The following CLNK variants were observed in gnomAD, a reference collection of about 807,000 sequenced individuals.
CLNK encodes cytokine dependent hematopoietic cell linker, also known as cytokine-dependent hematopoietic cell linker.
A neutral mutation model predicts 68.6 loss-of-function variants in CLNK; 74 were observed. The observed-to-expected ratio is 1.08, with a 90% CI of 0.89 to 1.31. CLNK has a LOEUF of 1.31. Ranked by LOEUF, CLNK falls within the 50% of genes most tolerant of loss-of-function variation. The pLI, the probability that CLNK is intolerant of heterozygous loss-of-function variation, is 0.00. For missense variants in CLNK, 553 were observed against 515.3 expected (o/e 1.07, Z -0.71); for synonymous variants, 198 against 172.2 (o/e 1.15, Z -1.17).
At chr4:10,716,692 T>TTTTTTTTC in the CLNK span, among the ~76,000 whole-genome samples, 1 of 150,906 alleles carries the variant, frequency 6.6e-6, no homozygotes, top group Admixed American at 6.6e-5. Flanking sequence ...AAAACTTTTT[T>TTTTTTTTC]TTTTTTTTTT....
the CLNK span, among the ~76,000 whole-genome samples, chr4:10,722,755 A>G: frequency 6.6e-6 from 1 of 152,198 alleles, no homozygotes; most frequent in South Asian, 2.1e-4. Flanking sequence ...TGGGGTTTCA[A>G]TACTCTCTAG....
At chr4:10,630,668 T>C (rs180820377) in intron 2 of CLNK, among the ~76,000 whole-genome samples, 7 of 152,352 alleles carry the variant, frequency 4.6e-5, no homozygotes, top group African/African-American at 1.7e-4. Context: ...CATCTGAGCA[T>C]CCTTCTTTCT....
chr4:10,558,304 G>C, intron 8 of CLNK, 103 bp downstream of exon 8: 1 of 915,916 alleles, frequency 1.1e-6, no homozygotes, highest in Non-Finnish European at 1.8e-6. Flanking sequence ...AGATCACCTT[G>C]TGTAAGATCA....
intron 1 of CLNK, among the ~76,000 whole-genome samples, chr4:10,669,712 T>C (rs1724551285): frequency 6.6e-6 from 1 of 152,214 alleles, no homozygotes; most frequent in Non-Finnish European, 1.5e-5. Context: ...CCAAGCTCTA[T>C]GTCCTCTGAT....
At chr4:10,686,532 C>T (rs1560279564), upstream of CLNK, among the ~76,000 whole-genome samples, 1 of 151,112 alleles carries the variant, frequency 6.6e-6, no homozygotes, top group East Asian at 1.9e-4. Context: ...TATCTAGTGG[C>T]CAGCTAGGCC....
At chr4:10,707,231 C>G in the CLNK span, among the ~76,000 whole-genome samples, 1 of 151,882 alleles carries the variant, frequency 6.6e-6, no homozygotes, top group Non-Finnish European at 1.5e-5. Flanking sequence ...AACTGATGAG[C>G]TAAAAAAAAA....
intron 4 of CLNK, among the ~76,000 whole-genome samples, chr4:10,583,514 T>C (rs1720863230): frequency 6.6e-6 from 1 of 151,626 alleles, no homozygotes; most frequent in Non-Finnish European, 1.5e-5. Flanking sequence ...CTCAAACTCC[T>C]GACCTTGTGA....
chr4:10,716,366 C>T, the CLNK span, among the ~76,000 whole-genome samples: 4 of 152,166 alleles, frequency 2.6e-5, no homozygotes, highest in Non-Finnish European at 2.9e-5. Context: ...CAATTGTGAC[C>T]TCTGCTGAGA....
At chr4:10,699,512 A>ATATATATATATAT in the CLNK span, among the ~76,000 whole-genome samples, 2 of 32,764 alleles carry the variant, frequency 6.1e-5, no homozygotes, top group African/African-American at 2.3e-4. Context: ...ATATATATAT[A>ATATATATATATAT]TTTTTTTTTT....
At chr4:10,631,793 A>G (rs114793049) in intron 2 of CLNK, among the ~76,000 whole-genome samples, 2,450 of 152,386 alleles carry the variant, frequency 0.016, 24 homozygotes, top group Non-Finnish European at 0.026. Context: ...ACTCTATGAC[A>G]TAGAAGTTAC....
intron 2 of CLNK, among the ~76,000 whole-genome samples, chr4:10,601,530 A>G (rs1040338470): frequency 5.3e-5 from 8 of 152,308 alleles, no homozygotes; most frequent in Admixed American, 6.5e-5. Flanking sequence ...AAAAATATAC[A>G]ATGCTGGGAG....
At chr4:10,696,641 A>G in the CLNK span, among the ~76,000 whole-genome samples, 125,433 of 152,130 alleles carry the variant, frequency 0.82, 52,137 homozygotes, top group Non-Finnish European at 0.88. Context: ...GTGAAATGGA[A>G]CACTCCTTGG....
chr4:10,621,068 C>G (rs1722433700), intron 2 of CLNK, among the ~76,000 whole-genome samples: 1 of 152,162 alleles, frequency 6.6e-6, no homozygotes, highest in African/African-American at 2.4e-5. Context: ...CGAGATCATG[C>G]CTGGGTGACA....
chr4:10,709,242 A>G, the CLNK span, among the ~76,000 whole-genome samples: 1 of 152,204 alleles, frequency 6.6e-6, no homozygotes, highest in African/African-American at 2.4e-5. Context: ...TACATAGACT[A>G]TCTATAAATT....
chr4:10,570,684 G>A (rs1319555584), intron 5 of CLNK, among the ~76,000 whole-genome samples: 1 of 152,106 alleles, frequency 6.6e-6, no homozygotes, highest in Admixed American at 6.6e-5. Context: ...GAATCAATCA[G>A]TCAATCAATC....
At chr4:10,574,341 G>A (rs1054559162) in intron 4 of CLNK, among the ~76,000 whole-genome samples, 2 of 152,116 alleles carry the variant, frequency 1.3e-5, no homozygotes, top group Non-Finnish European at 2.9e-5. Flanking sequence ...CCTACCTTGT[G>A]GGATTCCATA....
At chr4:10,653,626 C>A (rs947833579) in intron 2 of CLNK, among the ~76,000 whole-genome samples, 1 of 152,004 alleles carries the variant, frequency 6.6e-6, no homozygotes, top group Non-Finnish European at 1.5e-5. Context: ...AACAAAGCAC[C>A]TAATTTGGCG....
intron 15 of CLNK, among the ~76,000 whole-genome samples, chr4:10,517,900 G>A (rs1717901394): frequency 6.6e-6 from 1 of 152,092 alleles, no homozygotes; most frequent in African/African-American, 2.4e-5. Context: ...TGAAAGCCTG[G>A]TTGTATCTTT....
At chr4:10,728,382 A>AAG in the CLNK span, among the ~76,000 whole-genome samples, 5 of 87,250 alleles carry the variant, frequency 5.7e-5, no homozygotes, top group African/African-American at 1.7e-4. Flanking sequence ...TTTTATTCTA[A>AAG]AGAGTGTGTG....
Sources: gnomAD v4.1 joint callset for allele counts (sites outside exome capture counted in the v4.1 genomes callset) on GRCh38, gnomAD v4.1.1 for gene constraint, MANE v1.5 for transcripts, NCBI Gene and HGNC (gene_info 2026-07-23, HGNC 2026-07-21) for gene names.